The following RCL1 variants were observed in gnomAD, a reference collection of about 807,000 sequenced individuals.
The protein encoded by RCL1 is RNA 3'-terminal phosphate cyclase-like protein.
RCL1 carries 24 observed loss-of-function variants against 42.4 expected under a neutral mutation model. That is an observed-to-expected ratio of 0.57 (90% CI 0.41 to 0.80). RCL1 has a LOEUF of 0.80. Ranked by LOEUF, RCL1 falls within the 30% of genes least tolerant of loss-of-function variation. RCL1 has a pLI of 0.00. For missense variants in RCL1, 578 were observed against 467.9 expected, an observed-to-expected ratio of 1.24 and a Z score of -2.17; for synonymous variants, 228 against 177.3, an observed-to-expected ratio of 1.29 and a Z score of -2.27.
chr9:4,799,227 C>T (rs1380636992), intron 1 of RCL1, among the ~76,000 whole-genome samples: 1 of 151,904 alleles, frequency 6.6e-6, no homozygotes, highest in Non-Finnish European at 1.5e-5. Context: ...TTCTGCCTAA[C>T]TGTCCCAAAG....
chr9:4,829,395 A>G (rs1338299568), intron 3 of RCL1, among the ~76,000 whole-genome samples: 3 of 152,234 alleles, frequency 2.0e-5, no homozygotes, highest in African/African-American at 4.8e-5. Flanking sequence ...CCTGGTTGCA[A>G]TAAAGGATCA....
At chr9:4,808,226 A>C (rs1401406839) in intron 1 of RCL1, among the ~76,000 whole-genome samples, 1 of 152,134 alleles carries the variant, frequency 6.6e-6, no homozygotes, top group Non-Finnish European at 1.5e-5. Flanking sequence ...AGTTTGATAC[A>C]TTTAGGATTG....
rs573190250 is a variant in RCL1 at position 4,845,895 on chromosome 9, A to G, written c.867+1214A>G. Among the ~76,000 whole-genome samples the G allele has an allele frequency of 2.6e-5, 4 of 152,226 alleles. No homozygotes were observed. In the South Asian group the frequency reaches 8.3e-4, roughly 32 times the overall value. Reference sequence around the variant, plus strand: ...TTCTGTGTATTTCTTCTCAGTTGTCAGGCATCTTTCTGGTCTCCAAGTAAG... The same window carrying G: ...TTCTGTGTATTTCTTCTCAGTTGTCGGGCATCTTTCTGGTCTCCAAGTAAG... On this transcript the variant is annotated intron_variant, in intron 7 of 8. Coordinates refer to ENST00000381750, the MANE Select transcript of RCL1 (RefSeq NM_005772.5).
At chr9:4,835,035 G>T (rs909615535) in intron 5 of RCL1, among the ~76,000 whole-genome samples, 1 of 152,172 alleles carries the variant, frequency 6.6e-6, no homozygotes, top group African/African-American at 2.4e-5. Flanking sequence ...AAAGGAGGAG[G>T]GCTTCAGGCA....
At chr9:4,794,496 C>A (rs187274603) in intron 1 of RCL1, among the ~76,000 whole-genome samples, 1 of 152,294 alleles carries the variant, frequency 6.6e-6, no homozygotes, top group African/African-American at 2.4e-5. Context: ...TAGTTTGACC[C>A]TTGGGCAAAG....
At chr9:4,809,570 A>G (rs1221866744) in intron 1 of RCL1, among the ~76,000 whole-genome samples, 1 of 152,104 alleles carries the variant, frequency 6.6e-6, no homozygotes, top group Non-Finnish European at 1.5e-5. Context: ...GGCCTCCCAG[A>G]GTGCTGGGAT....
At chr9:4,860,004 A>G in intron 8 of RCL1, 121 bp from the exon 9 acceptor site, 1 of 608,132 alleles carries the variant, frequency 1.6e-6, no homozygotes, top group Non-Finnish European at 2.7e-6. Context: ...ATTCGATGAG[A>G]AGGTCTTAAC....
At chr9:4,854,396 TC>T (rs1817862008) in intron 8 of RCL1, among the ~76,000 whole-genome samples, 1 of 152,124 alleles carries the variant, frequency 6.6e-6, no homozygotes, top group Non-Finnish European at 1.5e-5. Flanking sequence ...CAGATCCTTT[TC>T]TTATCTCCAG....
chr9:4,801,998 T>G (rs1843009708), intron 1 of RCL1, among the ~76,000 whole-genome samples: 1 of 151,906 alleles, frequency 6.6e-6, no homozygotes, highest in Non-Finnish European at 1.5e-5. Flanking sequence ...AGCCTCCGCC[T>G]GCCAGGTTCC....
intron 8 of RCL1, 34 bp downstream of exon 8, chr9:4,849,584 C>G (rs1436487031): frequency 6.6e-7 from 1 of 1,516,974 alleles, no homozygotes; most frequent in East Asian, 2.3e-5. Flanking sequence ...GTTATTCTGT[C>G]CAGTGTAATT....
Position 4,793,217 on chromosome 9 carries a change from G to A in RCL1, c.126G>A (p.Pro42=), listed in dbSNP as rs1390574369. The part of the protein sequence containing the change: ...IRKIRARDDN[P]GLRDFEASFI... ...AGATTCGGGCCAGAGACGACAACCC[G>A]GGCCTCCGAGGTAACTTGGTGTGGG... is the stretch of plus-strand genomic sequence containing the variant. The change falls in exon 1 of 9, where the codon CCG becomes CCA. Residue 42 remains proline, a synonymous_variant. Transcript: ENST00000381750. The A allele has an allele frequency of 3.1e-6, 5 of 1,598,476 alleles. No homozygotes were observed. Among genetic ancestry groups the A allele is most frequent in the South Asian group, 2.3e-5 (2 of 88,788 alleles).
chr9:4,858,639 A>G (rs1818043326), intron 8 of RCL1, among the ~76,000 whole-genome samples: 1 of 152,176 alleles, frequency 6.6e-6, no homozygotes, highest in African/African-American at 2.4e-5. Flanking sequence ...CATTGAGGAA[A>G]TTAGCCATAA....
intron 1 of RCL1, chr9:4,804,286 C>T (rs2130971261): frequency 6.5e-6 from 1 of 152,748 alleles, no homozygotes; most frequent in African/African-American, 2.4e-5. Context: ...GGGAAGTCGC[C>T]TTTGGGCATT....
intron 1 of RCL1, among the ~76,000 whole-genome samples, chr9:4,796,849 C>G (rs1842921926): frequency 6.6e-6 from 1 of 152,088 alleles, no homozygotes; most frequent in African/African-American, 2.4e-5. Context: ...AGTACAGGTG[C>G]CTTTTTTGTA....
At chr9:4,818,708 C>G (rs956727585) in intron 1 of RCL1, among the ~76,000 whole-genome samples, 1 of 151,962 alleles carries the variant, frequency 6.6e-6, no homozygotes, top group African/African-American at 2.4e-5. Context: ...TGGTGAAACC[C>G]TGTCTCTACT....
intron 1 of RCL1, among the ~76,000 whole-genome samples, chr9:4,794,991 C>T (rs139598408): frequency 2.0e-5 from 3 of 152,148 alleles, no homozygotes; most frequent in African/African-American, 7.2e-5. Flanking sequence ...CGTTCATATA[C>T]CAGGGGAAGA....
intron 5 of RCL1, among the ~76,000 whole-genome samples, chr9:4,840,964 C>T (rs1563850940): frequency 1.3e-5 from 2 of 152,012 alleles, no homozygotes; most frequent in Non-Finnish European, 2.9e-5. Flanking sequence ...CTAGGGGAAG[C>T]GTGTGGGTAG....
At chr9:4,809,304 C>G (rs1816086223) in intron 1 of RCL1, among the ~76,000 whole-genome samples, 1 of 151,954 alleles carries the variant, frequency 6.6e-6, no homozygotes, top group Admixed American at 6.6e-5. Context: ...GCTAGAGACT[C>G]CTTTTTTTTT....
At chr9:4,807,700 G>A (rs1405967635) in intron 1 of RCL1, among the ~76,000 whole-genome samples, 2 of 152,090 alleles carry the variant, frequency 1.3e-5, no homozygotes, top group Admixed American at 6.5e-5. Flanking sequence ...TGTATTTTTC[G>A]TAGAGACAGG....
Sources: allele counts gnomAD v4.1 joint callset (sites outside exome capture counted in the v4.1 genomes callset), GRCh38; gene constraint gnomAD v4.1.1; transcripts MANE v1.5; gene names NCBI Gene and HGNC (gene_info 2026-07-23, HGNC 2026-07-21).